SEMA3E: variants seen among roughly 807,000 people sequenced by gnomAD.
SEMA3E encodes the protein semaphorin-3E.
In SEMA3E, 49 loss-of-function variants were observed where a neutral mutation model predicts 93.6. The ratio of observed to expected loss-of-function variants is 0.52; its 90% CI spans 0.42 to 0.66. The LOEUF (loss-of-function observed/expected upper bound fraction) is 0.66. Ranked by LOEUF, SEMA3E falls within the 30% of genes least tolerant of loss-of-function variation. SEMA3E has a pLI of 0.00. For missense variants in SEMA3E, 906 were observed against 964.8 expected, an observed-to-expected ratio of 0.94 and a Z score of 0.81; for synonymous variants, 363 against 330.7, an observed-to-expected ratio of 1.10 and a Z score of -1.06.
chr7:83,528,152 C>T (rs1169522861), intron 1 of SEMA3E, among the ~76,000 whole-genome samples: 1 of 151,920 alleles, frequency 6.6e-6, no homozygotes, highest in African/African-American at 2.4e-5. Flanking sequence ...ACTGACAATA[C>T]TGAATATAAA....
chr7:83,413,857 A>G (rs780135283), intron 5 of SEMA3E, among the ~76,000 whole-genome samples: 2 of 152,186 alleles, frequency 1.3e-5, no homozygotes, highest in Non-Finnish European at 2.9e-5. Context: ...AACCAATGAT[A>G]TTGATACCAT....
At chr7:83,534,484 A>C (rs867275903) in intron 1 of SEMA3E, among the ~76,000 whole-genome samples, 3 of 152,158 alleles carry the variant, frequency 2.0e-5, no homozygotes, top group Admixed American at 6.6e-5. Context: ...GTATCTTAGA[A>C]TTTTAAGAAT....
At chr7:83,396,322 G>A (rs1212492411) in intron 12 of SEMA3E, among the ~76,000 whole-genome samples, 1 of 151,180 alleles carries the variant, frequency 6.6e-6, no homozygotes, top group East Asian at 1.9e-4. Context: ...TTTTTTGTCA[G>A]TATTGATAGT....
At chr7:83,521,977 G>C (rs1200247255) in intron 1 of SEMA3E, among the ~76,000 whole-genome samples, 1 of 152,050 alleles carries the variant, frequency 6.6e-6, no homozygotes, top group African/African-American at 2.4e-5. Flanking sequence ...ATGGCACTCA[G>C]GGCAGAGACA....
At chr7:83,453,654 C>G (rs1413313033) in intron 4 of SEMA3E, among the ~76,000 whole-genome samples, 2 of 152,014 alleles carry the variant, frequency 1.3e-5, no homozygotes, top group Non-Finnish European at 2.9e-5. Context: ...TTAAAAATTA[C>G]CATAATTTTT....
chr7:83,490,382 C>A, intron 1 of SEMA3E, 108 bp from the exon 2 acceptor site: 2 of 1,103,212 alleles, frequency 1.8e-6, no homozygotes, highest in Non-Finnish European at 2.7e-6. Flanking sequence ...GAGTCATTAA[C>A]ATTCATTTTA....
intron 1 of SEMA3E, among the ~76,000 whole-genome samples, chr7:83,638,852 C>T (rs1793933068): frequency 1.3e-5 from 2 of 152,170 alleles, no homozygotes; most frequent in South Asian, 4.2e-4. Context: ...TGGCTCACGC[C>T]TGTAATCCCA....
At chr7:83,448,430 T>C (rs371508143) in intron 4 of SEMA3E, among the ~76,000 whole-genome samples, 3 of 152,158 alleles carry the variant, frequency 2.0e-5, no homozygotes, top group African/African-American at 7.2e-5. Context: ...GAGGATCTCT[T>C]GAGGCTAGGA....
chr7:83,568,168 G>T (rs1332073556), intron 1 of SEMA3E, among the ~76,000 whole-genome samples: 1 of 152,070 alleles, frequency 6.6e-6, no homozygotes, highest in African/African-American at 2.4e-5. Flanking sequence ...AATCTACCAA[G>T]ATTGAATCAG....
chr7:83,494,998 A>G (rs914799777), intron 1 of SEMA3E, among the ~76,000 whole-genome samples: 14 of 151,932 alleles, frequency 9.2e-5, no homozygotes, highest in Non-Finnish European at 1.8e-4. Context: ...ATGGGGTCAG[A>G]GCAGTCAACA....
At chr7:83,457,234 G>A (rs1361155619) in intron 4 of SEMA3E, among the ~76,000 whole-genome samples, 1 of 152,122 alleles carries the variant, frequency 6.6e-6, no homozygotes, top group Non-Finnish European at 1.5e-5. Context: ...CAGACAGAGA[G>A]AGAGAGAGAA....
At chr7:83,549,991 C>G (rs1022892483) in intron 1 of SEMA3E, among the ~76,000 whole-genome samples, 14 of 152,000 alleles carry the variant, frequency 9.2e-5, no homozygotes, top group African/African-American at 3.1e-4. Context: ...CCTCGTCTAT[C>G]CTGCAGTAAA....
At chr7:83,421,516 TA>T (rs35935845) in intron 4 of SEMA3E, among the ~76,000 whole-genome samples, 93,178 of 139,480 alleles carry the variant, frequency 0.67, 37,759 homozygotes, top group South Asian at 0.86. Context: ...AAAGTGACAA[TA>T]AAAATCAATA....
chr7:83,404,475 C>T (rs926488899), intron 9 of SEMA3E, among the ~76,000 whole-genome samples: 4 of 151,894 alleles, frequency 2.6e-5, no homozygotes, highest in Admixed American at 2.6e-4. Flanking sequence ...GAGGTATATT[C>T]TTCTTTATTT....
chr7:83,636,305 G>C (rs901701935), intron 1 of SEMA3E, among the ~76,000 whole-genome samples: 9 of 152,228 alleles, frequency 5.9e-5, no homozygotes, highest in African/African-American at 2.2e-4. Context: ...GGGCAGAAGA[G>C]AAATAGTCTC....
chr7:83,520,190 T>A (rs1791015204), intron 1 of SEMA3E, among the ~76,000 whole-genome samples: 1 of 152,230 alleles, frequency 6.6e-6, no homozygotes, highest in Non-Finnish European at 1.5e-5. Context: ...CACTTAAATA[T>A]TTATTACTCA....
At chr7:83,600,009 C>T (rs889330712) in intron 1 of SEMA3E, among the ~76,000 whole-genome samples, 1 of 151,988 alleles carries the variant, frequency 6.6e-6, no homozygotes, top group African/African-American at 2.4e-5. Flanking sequence ...TATCATATTC[C>T]CATCAATCAT....
At chr7:83,543,036 TTAC>T (rs997862345) in intron 1 of SEMA3E, among the ~76,000 whole-genome samples, 1 of 152,118 alleles carries the variant, frequency 6.6e-6, no homozygotes, top group Non-Finnish European at 1.5e-5. Context: ...GGGAAGTTAC[TTAC>T]TATGTTAATA....
intron 1 of SEMA3E, among the ~76,000 whole-genome samples, chr7:83,597,617 A>G (rs1036757383): frequency 1.3e-5 from 2 of 152,202 alleles, no homozygotes; most frequent in Admixed American, 6.6e-5. Context: ...TCAGTCAGCA[A>G]TTGATGCTAC....
Sources: allele counts gnomAD v4.1 joint callset (sites outside exome capture counted in the v4.1 genomes callset), GRCh38; gene constraint gnomAD v4.1.1; transcripts MANE v1.5; gene names NCBI Gene and HGNC (gene_info 2026-07-23, HGNC 2026-07-21).